Variants in TRIM9 observed in about 807,000 individuals in gnomAD.
TRIM9 encodes the protein tripartite motif containing 9.
A neutral mutation model predicts 78.3 loss-of-function variants in TRIM9; 26 were observed. The ratio of observed to expected loss-of-function variants is 0.33; its 90% confidence interval spans 0.24 to 0.46. TRIM9 has a LOEUF of 0.46. Among genes scored for constraint, TRIM9 ranks in the 20% least tolerant of loss-of-function variants. The probability of loss-of-function intolerance (pLI) is 1.00; values close to 1 mark genes in which losing one functional copy is unlikely to be tolerated. For missense variants in TRIM9, 787 were observed against 1,036.4 expected (o/e 0.76, Z 3.30); for synonymous variants, 398 against 416.5 (o/e 0.96, Z 0.54).
chr14:50,994,131 C>T (rs2053895012), intron 7 of TRIM9, among the ~76,000 whole-genome samples: 1 of 152,204 alleles, frequency 6.6e-6, no homozygotes. Flanking sequence ...GTAGGGGCTA[C>T]ATGGTGGCTC....
At position 51,022,966 on chromosome 14, in the gene TRIM9, C is replaced by T. The variant is rs1596198240; in HGVS notation, c.919-9G>A. ...AACTCCACACTGTTCTCCTGTGTAA[C>T]AGAGCACATTTCTCAACTGCAAGCT... is the stretch of plus-strand genomic sequence containing the variant. On this transcript the variant is annotated splice_polypyrimidine_tract_variant and intron_variant, in intron 2 of 12. Transcript: ENST00000684578. The T allele has an allele frequency of 6.2e-7, 1 of 1,613,774 alleles. No individual in the cohort carries two copies. The highest frequency in any genetic ancestry group is 8.5e-7 in the Non-Finnish European group (1 of 1,179,964).
At chr14:51,077,236 T>C (rs1452873439) in intron 1 of TRIM9, among the ~76,000 whole-genome samples, 1 of 152,132 alleles carries the variant, frequency 6.6e-6, no homozygotes, top group East Asian at 1.9e-4. Flanking sequence ...TCAACTGCTT[T>C]TAGGAGCTGG....
intron 1 of TRIM9, among the ~76,000 whole-genome samples, chr14:51,085,747 TG>T (rs1323963046): frequency 6.6e-6 from 1 of 152,248 alleles, no homozygotes; most frequent in Non-Finnish European, 1.5e-5. Context: ...ATGGTTTTTT[TG>T]GTCTGTAATT....
chr14:51,074,932 C>G (rs1019471931), intron 1 of TRIM9, among the ~76,000 whole-genome samples: 2 of 152,166 alleles, frequency 1.3e-5, no homozygotes, highest in Non-Finnish European at 2.9e-5. Context: ...TGTTGAAGCC[C>G]CAATTGAGAA....
At chr14:51,047,418 A>G (rs566683713) in intron 1 of TRIM9, among the ~76,000 whole-genome samples, 25 of 152,178 alleles carry the variant, frequency 1.6e-4, no homozygotes, top group Middle Eastern at 3.2e-3. Flanking sequence ...GTGGACCCAT[A>G]GGTGACTTTT....
intron 1 of TRIM9, among the ~76,000 whole-genome samples, chr14:51,038,620 A>C (rs986490347): frequency 6.6e-6 from 1 of 152,212 alleles, no homozygotes; most frequent in Non-Finnish European, 1.5e-5. Context: ...ACACATTTCA[A>C]GGTTGAATTA....
intron 1 of TRIM9, chr14:51,089,220 T>C (rs1015477943): frequency 6.6e-6 from 1 of 152,230 alleles, no homozygotes; most frequent in African/African-American, 2.4e-5. Context: ...ATCCTTTCAA[T>C]GAATAATCCC....
At chr14:51,081,490 C>G (rs2063304011) in intron 1 of TRIM9, among the ~76,000 whole-genome samples, 1 of 152,182 alleles carries the variant, frequency 6.6e-6, no homozygotes, top group Non-Finnish European at 1.5e-5. Context: ...CAATTCCACT[C>G]CTAGGTATGT....
intron 1 of TRIM9, among the ~76,000 whole-genome samples, chr14:51,050,224 C>G (rs773222995): frequency 2.6e-5 from 4 of 152,174 alleles, no homozygotes; most frequent in Non-Finnish European, 4.4e-5. Context: ...TGTGTCCCCA[C>G]CCAAATCTCA....
intron 4 of TRIM9, among the ~76,000 whole-genome samples, chr14:51,009,605 T>C (rs1171025918): frequency 6.6e-6 from 1 of 152,230 alleles, no homozygotes; most frequent in Non-Finnish European, 1.5e-5. Context: ...CCTTCTAATT[T>C]AAAGTGTGGG....
intron 5 of TRIM9, among the ~76,000 whole-genome samples, chr14:51,002,426 G>A (rs1249549027): frequency 2.0e-5 from 3 of 152,070 alleles, no homozygotes; most frequent in African/African-American, 4.8e-5. Flanking sequence ...GAGCCACCGT[G>A]CCCGGCTGGG....
intron 5 of TRIM9, among the ~76,000 whole-genome samples, chr14:51,001,228 A>ATTTT (rs34019183): frequency 7.7e-6 from 1 of 130,608 alleles, no homozygotes; most frequent in Non-Finnish European, 1.6e-5. Flanking sequence ...TGTGCTAATA[A>ATTTT]TTTTTTTTTT....
chr14:51,085,791 T>G (rs947271959), intron 1 of TRIM9, among the ~76,000 whole-genome samples: 2 of 152,268 alleles, frequency 1.3e-5, no homozygotes, highest in Non-Finnish European at 2.9e-5. Context: ...ATGGTTTTTA[T>G]GTCTGTAAAT....
At chr14:51,009,356 C>T in intron 4 of TRIM9, 123 bp from the exon 5 acceptor site, 1 of 1,199,746 alleles carries the variant, frequency 8.3e-7, no homozygotes, top group Admixed American at 2.3e-5. Context: ...CTCTGACTGC[C>T]TCAGTGCTGT....
chr14:51,007,313 G>A (rs2055941241), intron 5 of TRIM9, among the ~76,000 whole-genome samples: 1 of 152,062 alleles, frequency 6.6e-6, no homozygotes, highest in African/African-American at 2.4e-5. Context: ...ATTTATCTGG[G>A]GCTCTATATT....
intron 1 of TRIM9, among the ~76,000 whole-genome samples, chr14:51,088,473 A>G (rs971602924): frequency 1.3e-5 from 2 of 152,332 alleles, no homozygotes; most frequent in Admixed American, 6.5e-5. Flanking sequence ...GCTGACCTAG[A>G]GTATAGATAA....
At chr14:51,087,088 G>A (rs1007924966) in intron 1 of TRIM9, among the ~76,000 whole-genome samples, 3 of 152,034 alleles carry the variant, frequency 2.0e-5, no homozygotes, top group Non-Finnish European at 4.4e-5. Context: ...TCAGGTTCCC[G>A]GTTGGCAGGC....
chr14:51,064,243 T>C (rs1006269474), intron 1 of TRIM9, among the ~76,000 whole-genome samples: 6 of 152,044 alleles, frequency 3.9e-5, no homozygotes, highest in Admixed American at 2.0e-4. Context: ...AGTACTGTAA[T>C]ATATAAAATA....
chr14:51,069,870 A>G (rs965895212), intron 1 of TRIM9, among the ~76,000 whole-genome samples: 5 of 152,164 alleles, frequency 3.3e-5, no homozygotes, highest in Admixed American at 2.6e-4. Flanking sequence ...GTCAATCTCT[A>G]TTATTTGTGT....
Sources: gnomAD v4.1 joint callset for allele counts (sites outside exome capture counted in the v4.1 genomes callset) on GRCh38, gnomAD v4.1.1 for gene constraint, MANE v1.5 for transcripts, NCBI Gene and HGNC (gene_info 2026-07-23, HGNC 2026-07-21) for gene names.